The following ZNF569 variants were observed in gnomAD, a reference collection of about 807,000 sequenced individuals.
ZNF569 encodes zinc finger protein 569, also known as DNA-binding protein.
A neutral mutation model predicts 56.3 loss-of-function variants in ZNF569; 38 were observed. That is an observed-to-expected ratio of 0.68 (90% CI 0.52 to 0.88). The LOEUF is 0.88. ZNF569 is among the 40% of genes least tolerant of loss of function. The probability of loss-of-function intolerance (pLI) is 0.00; values close to 1 mark genes in which losing one functional copy is unlikely to be tolerated. For missense variants in ZNF569, 666 were observed against 809.2 expected (o/e 0.82, Z 2.15); for synonymous variants, 241 against 262.9 (o/e 0.92, Z 0.81).
chr19:37,425,161 ATATTTT>A (rs1402215839), intron 5 of ZNF569, among the ~76,000 whole-genome samples: 3 of 151,562 alleles, frequency 2.0e-5, no homozygotes, highest in Admixed American at 1.3e-4. Context: ...AAATATATAT[ATATTTT>A]TTGAGACAGG....
intron 2 of ZNF569, 70 bp downstream of exon 2, chr19:37,465,243 T>C (rs1459396897): frequency 6.6e-6 from 1 of 152,262 alleles, no homozygotes; most frequent in Non-Finnish European, 1.5e-5. Context: ...TAGTTCTAAA[T>C]ATCCTCTCAC....
chr19:37,423,458 T>G (rs547464684), intron 5 of ZNF569, among the ~76,000 whole-genome samples: 3 of 152,282 alleles, frequency 2.0e-5, no homozygotes, highest in African/African-American at 7.2e-5. Context: ...TTTAAATTCA[T>G]AGCAAACATA....
chr19:37,440,906 A>T (rs976577185), intron 3 of ZNF569, among the ~76,000 whole-genome samples: 2 of 152,114 alleles, frequency 1.3e-5, no homozygotes, highest in Non-Finnish European at 2.9e-5. Flanking sequence ...CTATGGGCTA[A>T]TTTTCTTCTT....
upstream of ZNF569, chr19:37,468,071 G>GTTTT (rs35295578): frequency 1.5e-4 from 89 of 586,324 alleles, no homozygotes; most frequent in Admixed American, 1.8e-3. Flanking sequence ...TGCCTTTCGT[G>GTTTT]TTTTTTTTTT....
intron 5 of ZNF569, among the ~76,000 whole-genome samples, chr19:37,422,674 T>C (rs1016258820): frequency 7.2e-5 from 11 of 151,926 alleles, no homozygotes; most frequent in South Asian, 4.1e-4. Context: ...GGAAGAATCA[T>C]TGAGAAAACA....
chr19:37,441,849 A>G (rs1393753135), intron 3 of ZNF569, among the ~76,000 whole-genome samples: 4 of 152,186 alleles, frequency 2.6e-5, no homozygotes, highest in African/African-American at 4.8e-5. Context: ...CAGCCACTGA[A>G]TGTCCTGAAA....
chr19:37,419,378 C>A (rs1383965843), intron 5 of ZNF569, among the ~76,000 whole-genome samples: 1 of 152,200 alleles, frequency 6.6e-6, no homozygotes, highest in African/African-American at 2.4e-5. Flanking sequence ...CAGTTCCACA[C>A]CACCACAATA....
At chr19:37,452,898 T>C (rs986084991) in intron 2 of ZNF569, among the ~76,000 whole-genome samples, 1 of 152,210 alleles carries the variant, frequency 6.6e-6, no homozygotes. Flanking sequence ...ATAAGCTTTC[T>C]GGTCCTTTTT....
At position 37,413,108 on chromosome 19, in the gene ZNF569, G is replaced by C. The variant is rs184996071; in HGVS notation, c.1550C>G (p.Thr517Ser). ...ATTACAATCATAAGGTTTCTCTCCA[G>C]TATGAACTTTTTGATGTGTAATGAA... is the stretch of plus-strand genomic sequence containing the variant. ...QNFITHQKVH[T>S]GEKPYDCNEC... Residue 517 changes from threonine to serine, a missense_variant, in exon 6 of 6, where the codon ACT (threonine) becomes AGT (serine). Transcript: ENST00000316950. 331 of 1,613,048 alleles carry C rather than the reference G, an allele frequency of 2.1e-4. 1 individual carries two copies. The highest frequency in any genetic ancestry group is 2.4e-5 in the Non-Finnish European group (28 of 1,179,614).
chr19:37,434,043 C>T (rs2041267550), intron 3 of ZNF569, among the ~76,000 whole-genome samples: 3 of 152,178 alleles, frequency 2.0e-5, no homozygotes, highest in South Asian at 4.1e-4. Flanking sequence ...TGGCTCACAC[C>T]TGTAATCCTA....
At chr19:37,439,647 G>A (rs1347371384) in intron 3 of ZNF569, among the ~76,000 whole-genome samples, 3 of 152,072 alleles carry the variant, frequency 2.0e-5, no homozygotes, top group East Asian at 3.9e-4. Context: ...CCAAGATTTG[G>A]AATCAAGCTA....
chr19:37,420,850 T>C (rs1215533393), intron 5 of ZNF569, among the ~76,000 whole-genome samples: 1 of 152,228 alleles, frequency 6.6e-6, no homozygotes, highest in East Asian at 1.9e-4. Context: ...AATCATTACC[T>C]ATGGAAGCTA....
At chr19:37,451,331 C>T (rs560594863) in intron 2 of ZNF569, among the ~76,000 whole-genome samples, 39 of 143,798 alleles carry the variant, frequency 2.7e-4, no homozygotes, top group African/African-American at 9.3e-4. Flanking sequence ...ACCCGGGAGG[C>T]GGAGGTTGCA....
intron 2 of ZNF569, among the ~76,000 whole-genome samples, chr19:37,451,799 G>A (rs936264050): frequency 5.3e-5 from 8 of 152,034 alleles, no homozygotes; most frequent in Non-Finnish European, 8.8e-5. Flanking sequence ...TTTCCATCCC[G>A]CACCTTCAGC....
chr19:37,420,220 C>T (rs763411454), intron 5 of ZNF569, among the ~76,000 whole-genome samples: 1 of 151,952 alleles, frequency 6.6e-6, no homozygotes, highest in Non-Finnish European at 1.5e-5. Context: ...GAACTCCTGA[C>T]CTCGTGATCT....
intron 1 of ZNF569, chr19:37,466,752 T>C (rs1380996678): frequency 1.3e-5 from 2 of 152,246 alleles, no homozygotes; most frequent in Non-Finnish European, 2.9e-5. Context: ...GTATCCACAG[T>C]TTTTCATTCA....
At chr19:37,425,478 C>T (rs1000994394) in intron 5 of ZNF569, among the ~76,000 whole-genome samples, 1 of 151,874 alleles carries the variant, frequency 6.6e-6, no homozygotes, top group Non-Finnish European at 1.5e-5. Context: ...CGTGTCACCA[C>T]GCCAAGCTAA....
chr19:37,446,334 G>C (rs1236537252), intron 2 of ZNF569, among the ~76,000 whole-genome samples: 1 of 152,044 alleles, frequency 6.6e-6, no homozygotes, highest in Non-Finnish European at 1.5e-5. Flanking sequence ...CGGATCACGA[G>C]GTCAGGAGAT....
intron 2 of ZNF569, among the ~76,000 whole-genome samples, chr19:37,452,380 T>C (rs1480217937): frequency 6.6e-6 from 1 of 152,220 alleles, no homozygotes; most frequent in Non-Finnish European, 1.5e-5. Flanking sequence ...CATATATATT[T>C]ACCTCTATCA....
Sources: gnomAD v4.1 joint callset for allele counts (sites outside exome capture counted in the v4.1 genomes callset) on GRCh38, gnomAD v4.1.1 for gene constraint, MANE v1.5 for transcripts, NCBI Gene and HGNC (gene_info 2026-07-23, HGNC 2026-07-21) for gene names.